Variants in BCL2L11 observed in about 807,000 individuals in gnomAD.
BCL2L11 encodes bcl-2-like protein 11.
Under a neutral mutation model 20.6 loss-of-function variants are expected in BCL2L11, and 15 were observed. The ratio of observed to expected loss-of-function variants is 0.73; its 90% CI spans 0.49 to 1.12. BCL2L11 has a LOEUF of 1.12. Ranked by LOEUF, BCL2L11 falls within the 50% of genes most tolerant of loss-of-function variation. BCL2L11 has a pLI of 0.00. For synonymous variants in BCL2L11, 108 were observed against 92.8 expected, an observed-to-expected ratio of 1.16 and a Z score of -0.94; for missense variants, 292 against 260.9, an observed-to-expected ratio of 1.12 and a Z score of -0.82.
intron 2 of BCL2L11, among the ~76,000 whole-genome samples, chr2:111,129,807 C>T (rs2073522124): frequency 6.6e-6 from 1 of 152,240 alleles, no homozygotes; most frequent in East Asian, 1.9e-4. Context: ...AACCACTCAT[C>T]TGATCTACAT....
At chr2:111,161,291 G>A in intron 3 of BCL2L11, 2 of 1,176,820 alleles carry the variant, frequency 1.7e-6, no homozygotes, top group Non-Finnish European at 2.4e-6. Context: ...AGGGAGTGGA[G>A]CATCTTCCCT....
intron 1 of BCL2L11, chr2:111,123,285 A>T (rs1473371904): frequency 1.0e-6 from 1 of 985,226 alleles, no homozygotes; most frequent in East Asian, 1.1e-4. Flanking sequence ...TTTTCGGCAA[A>T]CAATGGGGCC....
At chr2:111,122,484 C>T (rs114848386) in intron 1 of BCL2L11, among the ~76,000 whole-genome samples, 2,498 of 152,254 alleles carry the variant, frequency 0.016, 64 homozygotes, top group African/African-American at 0.056. Context: ...CCTTTGGCGG[C>T]CTGACCCGTA....
chr2:111,144,894 C>T (rs1360736288), intron 2 of BCL2L11, among the ~76,000 whole-genome samples: 1 of 152,232 alleles, frequency 6.6e-6, no homozygotes, highest in Non-Finnish European at 1.5e-5. Flanking sequence ...CCTTCTTTCT[C>T]CTCACACCCC....
intron 2 of BCL2L11, chr2:111,146,113 T>C: frequency 2.0e-6 from 2 of 985,326 alleles, no homozygotes; most frequent in Non-Finnish European, 2.4e-6. Context: ...GCCAGGTTTA[T>C]GGAGTGAAGT....
At position 111,163,911 on chromosome 2, in the gene BCL2L11, T is replaced by C. The variant is rs187728906; in HGVS notation, c.499-222T>C. ...TATTTTAAGGAGTAAATCATTGGTA[T>C]GCCTGCCCTTTTTGTAGGGATGTCT... On this transcript the variant is annotated intron_variant, in intron 3 of 3. Transcript: ENST00000393256. Among the ~76,000 whole-genome samples the C allele has an allele frequency of 2.4e-3, 354 of 149,740 alleles. 3 individuals are homozygous for C. Among genetic ancestry groups the C allele is most frequent in the African/African-American group, 8.3e-3 (336 of 40,372 alleles).
chr2:111,128,785 C>T (rs2073250075), intron 2 of BCL2L11: 1 of 1,527,958 alleles, frequency 6.5e-7, no homozygotes, highest in African/African-American at 1.4e-5. Context: ...CTCTCTCCCT[C>T]TTCCTTGAGC....
chr2:111,128,909 G>C (rs2150290806), intron 2 of BCL2L11: 1 of 1,250,650 alleles, frequency 8.0e-7, no homozygotes, highest in Non-Finnish European at 1.1e-6. Flanking sequence ...TTAGATTTGT[G>C]GCTGGTGTTC....
At chr2:111,141,530 G>T (rs1242757342) in intron 2 of BCL2L11, among the ~76,000 whole-genome samples, 2 of 108,370 alleles carry the variant, frequency 1.8e-5, no homozygotes, top group African/African-American at 3.5e-5. Context: ...GGGGGGAGGG[G>T]GGAGGGAGAG....
intron 3 of BCL2L11, among the ~76,000 whole-genome samples, chr2:111,150,904 T>G (rs992538518): frequency 7.9e-5 from 12 of 151,254 alleles, no homozygotes; most frequent in Middle Eastern, 3.2e-3. Context: ...GTTTGTTTGT[T>G]TGTGTGTGTG....
chr2:111,135,710 G>A (rs1269722517), intron 2 of BCL2L11, among the ~76,000 whole-genome samples: 1 of 152,182 alleles, frequency 6.6e-6, no homozygotes, highest in Non-Finnish European at 1.5e-5. Flanking sequence ...GGCTGGGAGA[G>A]CCGATGGGCC....
At chr2:111,157,009 A>G (rs1260178880) in intron 3 of BCL2L11, among the ~76,000 whole-genome samples, 2 of 152,200 alleles carry the variant, frequency 1.3e-5, no homozygotes. Context: ...CCTACTGCAC[A>G]TGCTGTGTCT....
In BCL2L11 at chr2:111,138,720, A is replaced by G. The variant is rs73954952; in HGVS notation, c.395-11324A>G. Among the ~76,000 whole-genome samples, 589 of 152,256 alleles carry G rather than the reference A, an allele frequency of 3.9e-3. 3 individuals carry two copies. Among genetic ancestry groups the G allele is most frequent in the African/African-American group, 0.014 (564 of 41,538 alleles). On this transcript the variant is annotated intron_variant, in intron 2 of 3. Transcript: ENST00000393256. Reference sequence around the variant, plus strand: ...TTGGTGTTGGCAGGTTGCTCTTGGTAGCTGTCTCCCCCACAGGCTGCTCTT... The same window carrying G: ...TTGGTGTTGGCAGGTTGCTCTTGGTGGCTGTCTCCCCCACAGGCTGCTCTT...
At chr2:111,136,719 G>A (rs1158491144) in intron 2 of BCL2L11, among the ~76,000 whole-genome samples, 1 of 152,148 alleles carries the variant, frequency 6.6e-6, no homozygotes, top group East Asian at 1.9e-4. Flanking sequence ...TTTTGTGAGA[G>A]CACTAATCCC....
intron 2 of BCL2L11, chr2:111,146,244 C>T (rs2150454243): frequency 2.0e-6 from 2 of 981,702 alleles, no homozygotes; most frequent in Non-Finnish European, 2.4e-6. Context: ...GATCTCCCTA[C>T]AGAGTAAGAG....
chr2:111,142,923 C>T (rs982343308), intron 2 of BCL2L11, among the ~76,000 whole-genome samples: 3 of 152,108 alleles, frequency 2.0e-5, no homozygotes, highest in Non-Finnish European at 4.4e-5. Context: ...CTTAAGTGAA[C>T]CAATGTATAT....
At chr2:111,127,232 C>T (rs1283630304) in intron 2 of BCL2L11, among the ~76,000 whole-genome samples, 2 of 151,932 alleles carry the variant, frequency 1.3e-5, no homozygotes, top group African/African-American at 4.8e-5. Context: ...TGTTTTATGC[C>T]ATATGTGTTT....
chr2:111,151,759 C>T lies in BCL2L11; in HGVS notation c.498+1612C>T. On this transcript the variant is annotated intron_variant, in intron 3 of 3. Transcript: ENST00000393256. ...TGAGGAGAGTGCTGTAGTAATGATT[C>T]TGTTGTAAAATGGGAAGTGTGACAT... 16 of 1,319,252 alleles carry T rather than the reference C, an allele frequency of 1.2e-5. 1 individual carries two copies. In the South Asian group the frequency reaches 1.8e-4, roughly 15 times the overall value. The allele number at this position is 1,319,252 out of a possible 1,614,324, so 81.7% of individuals were successfully genotyped here.
intron 1 of BCL2L11, chr2:111,123,157 G>C: frequency 3.0e-6 from 3 of 985,402 alleles, no homozygotes; most frequent in Non-Finnish European, 3.6e-6. Flanking sequence ...GAGGGAGCAC[G>C]GGCGGAGAGA....
Sources: allele counts gnomAD v4.1 joint callset (sites outside exome capture counted in the v4.1 genomes callset), GRCh38; gene constraint gnomAD v4.1.1; transcripts MANE v1.5; gene names NCBI Gene and HGNC (gene_info 2026-07-23, HGNC 2026-07-21).